Variants in SH3YL1 observed in about 807,000 individuals in gnomAD.
The protein encoded by SH3YL1 is SH3 and SYLF domain containing 1, also known as SH3 domain-containing YSC84-like protein 1.
SH3YL1 carries 41 observed loss-of-function variants against 45.8 expected under a neutral mutation model. That is an observed-to-expected ratio of 0.89 (90% CI 0.70 to 1.16). The LOEUF (loss-of-function observed/expected upper bound fraction) is 1.16, where lower values mean the gene tolerates loss of function less well. Ranked by LOEUF, SH3YL1 falls within the 50% of genes most tolerant of loss-of-function variation. The pLI is 0.00. For synonymous variants in SH3YL1, 152 were observed against 151.4 expected, an observed-to-expected ratio of 1.00 and a Z score of -0.03; for missense variants, 389 against 409.6, an observed-to-expected ratio of 0.95 and a Z score of 0.43.
At chr2:227,226 C>G (rs907285303) in intron 8 of SH3YL1, among the ~76,000 whole-genome samples, 1 of 151,880 alleles carries the variant, frequency 6.6e-6, no homozygotes, top group Non-Finnish European at 1.5e-5. Context: ...TGATGAGACT[C>G]TAAGTAGTAA....
chr2:264,766 C>G (rs1310092227), upstream of SH3YL1: 9 of 571,624 alleles, frequency 1.6e-5, no homozygotes, highest in Non-Finnish European at 3.0e-6. Context: ...CGGACCCTCC[C>G]CGCCCGTCCT....
intron 4 of SH3YL1, among the ~76,000 whole-genome samples, chr2:245,658 TTC>T (rs1668764981): frequency 6.6e-6 from 1 of 152,108 alleles, no homozygotes; most frequent in African/African-American, 2.4e-5. Context: ...TGACCCAGTC[TTC>T]TCTCTTACAG....
chr2:253,984 A>C (rs1255335755), intron 1 of SH3YL1, among the ~76,000 whole-genome samples: 1 of 152,166 alleles, frequency 6.6e-6, no homozygotes, highest in Non-Finnish European at 1.5e-5. Context: ...CTTGGGCCCC[A>C]AAGGATGTTA....
At chr2:257,620 TTC>T (rs1455369769) in intron 1 of SH3YL1, among the ~76,000 whole-genome samples, 1 of 152,186 alleles carries the variant, frequency 6.6e-6, no homozygotes, top group East Asian at 1.9e-4. Flanking sequence ...TGTACTTCAT[TTC>T]TGATTTCTGT....
chr2:258,521 C>T (rs545063592), intron 1 of SH3YL1, among the ~76,000 whole-genome samples: 6 of 152,260 alleles, frequency 3.9e-5, no homozygotes, highest in African/African-American at 9.6e-5. Flanking sequence ...TCTAGTAAAA[C>T]AGGATTGTAG....
At chr2:220,542 T>C (rs12714399) in intron 9 of SH3YL1, among the ~76,000 whole-genome samples, 44,310 of 152,118 alleles carry the variant, frequency 0.29, 7,189 homozygotes, top group East Asian at 0.59. Context: ...AGAAGTTAAG[T>C]TAAACGTTCT....
At chr2:262,506 C>A in intron 1 of SH3YL1, 1 of 1,099,732 alleles carries the variant, frequency 9.1e-7, no homozygotes, top group South Asian at 1.4e-5. Context: ...AGCAGTTCCA[C>A]ACATGCCACA....
At chr2:222,698 C>T (rs1356386727) in intron 9 of SH3YL1, 1 of 152,314 alleles carries the variant, frequency 6.6e-6, no homozygotes, top group African/African-American at 2.4e-5. Context: ...AAGAACTACA[C>T]AGCTGGACCT....
chr2:242,363 A>G (rs1377991717), intron 4 of SH3YL1, among the ~76,000 whole-genome samples: 1 of 151,924 alleles, frequency 6.6e-6, no homozygotes, highest in Non-Finnish European at 1.5e-5. Flanking sequence ...TTTAATATGT[A>G]TAACAGTAAT....
In SH3YL1 at chr2:247,597, A is replaced by T. The variant is rs1282476239; in HGVS notation, c.232T>A (p.Ser78Thr). The T allele has an allele frequency of 1.3e-6, 2 of 1,550,422 alleles. No homozygotes were observed. Among genetic ancestry groups the T allele is most frequent in the African/African-American group, 1.4e-5 (1 of 72,960 alleles). Residue 78 changes from serine (S) to threonine (T), a missense_variant, in exon 4 of 10, where the codon TCT becomes ACT. Transcript: ENST00000356150. ...VVARLPDGKW[S>T]APSAIGIAGL... ...GCTATCCCAATGGCTGAGGGTGCAG[A>T]CCATTCTAATAAAAAAACAAACGAA...
chr2:223,909 A>T (rs1667686455), intron 9 of SH3YL1, among the ~76,000 whole-genome samples: 1 of 152,222 alleles, frequency 6.6e-6, no homozygotes, highest in Non-Finnish European at 1.5e-5. Flanking sequence ...GGCCAGGGTG[A>T]AAAGAAAGGT....
intron 8 of SH3YL1, among the ~76,000 whole-genome samples, chr2:226,927 T>C (rs531960215): frequency 6.6e-5 from 10 of 151,992 alleles, no homozygotes; most frequent in Non-Finnish European, 1.5e-4. Flanking sequence ...AGAATGCATA[T>C]GGTGGATAGT....
rs1667726906 is a variant in SH3YL1 at position 224,861 on chromosome 2, T to C, written c.838+3A>G. On this transcript the variant is annotated splice_donor_region_variant and intron_variant, in intron 9 of 9. Coordinates refer to ENST00000356150, the MANE Select transcript of SH3YL1 (RefSeq NM_015677.4). Reference sequence around the variant, plus strand: ...TTTATAACATATAGATTTACTGATTTACCAACTCTCTCATGATAGCTGGAA... The same window carrying C: ...TTTATAACATATAGATTTACTGATTCACCAACTCTCTCATGATAGCTGGAA... 1 of 1,597,060 alleles carries C rather than the reference T, an allele frequency of 6.3e-7. No homozygotes were observed.
chr2:256,508 ATGGTGAAACCCCATTTCT>A (rs1647908306), intron 1 of SH3YL1: 1 of 152,230 alleles, frequency 6.6e-6, no homozygotes, highest in Admixed American at 6.5e-5. Context: ...CCTGGCTAAC[ATGGTGAAACCCCATTTCT>A]ACTAAAAATA....
At chr2:245,955 G>C (rs1668781841) in intron 4 of SH3YL1, among the ~76,000 whole-genome samples, 1 of 152,174 alleles carries the variant, frequency 6.6e-6, no homozygotes, top group Admixed American at 6.5e-5. Flanking sequence ...CAGCACTTTA[G>C]GAGGCCGAGG....
intron 9 of SH3YL1, among the ~76,000 whole-genome samples, chr2:219,292 G>A (rs1667481132): frequency 6.6e-6 from 1 of 152,124 alleles, no homozygotes; most frequent in African/African-American, 2.4e-5. Context: ...CATTGCTGTG[G>A]TCTGAATGTC....
At chr2:247,832 T>A (rs574837027) in intron 3 of SH3YL1, among the ~76,000 whole-genome samples, 2 of 152,326 alleles carry the variant, frequency 1.3e-5, no homozygotes, top group East Asian at 3.9e-4. Context: ...CACAAGCCCA[T>A]GTCCTCTAAT....
intron 2 of SH3YL1, among the ~76,000 whole-genome samples, chr2:251,997 T>C (rs1210111188): frequency 1.3e-5 from 2 of 152,180 alleles, no homozygotes; most frequent in Non-Finnish European, 2.9e-5. Context: ...ATGAGACAAG[T>C]ATGCTATGAA....
intron 2 of SH3YL1, among the ~76,000 whole-genome samples, chr2:251,405 AG>A (rs1220037934): frequency 6.6e-6 from 1 of 152,352 alleles, no homozygotes; most frequent in South Asian, 2.1e-4. Context: ...CCAGACTCCC[AG>A]GAGAAGTGGG....
Sources: allele counts gnomAD v4.1 joint callset (sites outside exome capture counted in the v4.1 genomes callset), GRCh38; gene constraint gnomAD v4.1.1; transcripts MANE v1.5; gene names NCBI Gene and HGNC (gene_info 2026-07-23, HGNC 2026-07-21).